Variants in PHC1 observed in about 807,000 individuals in gnomAD.
PHC1 encodes polyhomeotic-like protein 1.
In PHC1, 12 loss-of-function variants were observed where a neutral mutation model predicts 104.3. That is an observed-to-expected ratio of 0.12 (90% CI 0.07 to 0.19). The LOEUF is 0.19. Ranked by LOEUF, PHC1 falls within the 10% of genes least tolerant of loss-of-function variation. The pLI, the probability that PHC1 is intolerant of heterozygous loss-of-function variation, is 1.00. For synonymous variants in PHC1, 302 were observed against 455.8 expected (o/e 0.66, Z 4.30); for missense variants, 671 against 1,200.0 (o/e 0.56, Z 6.51).
intron 12 of PHC1, 61 bp downstream of exon 12, chr12:8,937,025 C>G (rs1565524617): frequency 1.7e-5 from 24 of 1,401,470 alleles, no homozygotes; most frequent in Non-Finnish European, 2.2e-5. Context: ...TGTTACACCC[C>G]TTCCCCAGGA....
In PHC1 at chr12:8,937,895, C is replaced by G; in HGVS notation, c.2695C>G (p.Pro899Ala). The change falls in exon 14 of 15, where the codon CCT becomes GCT. Residue 899 changes from proline (P) to alanine (A), a missense_variant. By Grantham distance (27) the Pro-to-Ala change is conservative. Coordinates refer to ENST00000544916, the MANE Select transcript of PHC1 (RefSeq NM_004426.3). ...SYDEALSPTSPGPLSVRAGHG... is the reference protein window; with the variant it reads ...SYDEALSPTSAGPLSVRAGHG... Reference sequence around the variant, plus strand: ...TGATGAAGCACTCTCTCCAACATCTCCTGGGCCTTTATCAGTAAGAGCTGG... The same window carrying G: ...TGATGAAGCACTCTCTCCAACATCTGCTGGGCCTTTATCAGTAAGAGCTGG... The G allele has an allele frequency of 2.5e-6, 4 of 1,611,202 alleles. No homozygotes were observed. The highest frequency in any genetic ancestry group is 3.4e-6 in the Non-Finnish European group (4 of 1,177,468).
intron 11 of PHC1, among the ~76,000 whole-genome samples, chr12:8,936,413 A>G (rs1186716827): frequency 6.6e-6 from 1 of 152,122 alleles, no homozygotes; most frequent in Admixed American, 6.5e-5. Flanking sequence ...ATGATCTAAA[A>G]TAGGACATTT....
Position 8,939,974 on chromosome 12 carries a change from T to C in PHC1, c.*515T>C. On this transcript the variant is annotated 3_prime_UTR_variant, in exon 15 of 15. Coordinates refer to ENST00000544916, the MANE Select transcript of PHC1 (RefSeq NM_004426.3). Reference sequence around the variant, plus strand: ...GTTTTTTCTTTTTGTTGTCACTTACTCCCTTGTGATTGAATTTTTTCTCCT... The same window carrying C: ...GTTTTTTCTTTTTGTTGTCACTTACCCCCTTGTGATTGAATTTTTTCTCCT... 1 of 434,884 alleles carries C rather than the reference T, an allele frequency of 2.3e-6. No individual in the cohort carries two copies. The highest frequency in any genetic ancestry group is 4.6e-6 in the Non-Finnish European group (1 of 219,488). 26.9% of individuals were successfully genotyped at this position (434,884 alleles called of 1,614,324 possible). A position where few individuals can be genotyped will look rare whatever the true frequency, so the allele number is the denominator to read the frequency against.
intron 4 of PHC1, 115 bp downstream of exon 4, chr12:8,921,180 T>C (rs1272390081): frequency 1.4e-6 from 1 of 714,786 alleles, no homozygotes; most frequent in Non-Finnish European, 2.3e-6. Flanking sequence ...GGATAGTTAC[T>C]GCTTTTAAGT....
chr12:8,928,779 T>C (rs1295973404), intron 6 of PHC1, among the ~76,000 whole-genome samples: 1 of 152,250 alleles, frequency 6.6e-6, no homozygotes. Context: ...TTGAAATGTG[T>C]AAGGTACTCG....
At chr12:8,933,553 GT>G in intron 8 of PHC1, 3 of 747,882 alleles carry the variant, frequency 4.0e-6, no homozygotes, top group Non-Finnish European at 6.2e-6. Context: ...ACTATTCTGG[GT>G]TTTTGGGTAT....
Position 8,937,745 on chromosome 12 carries a change from G to C in PHC1, c.2629-84G>C, listed in dbSNP as rs1165158560. ...ATGATAAGATGAGTTTTTCTTCTAC[G>C]CCCAACCCAGGGTGGTTTGGGAAGA... is the stretch of plus-strand genomic sequence containing the variant. On this transcript the variant is annotated intron_variant, in intron 13 of 14. Coordinates refer to ENST00000544916, the MANE Select transcript of PHC1 (RefSeq NM_004426.3). 3 of 1,028,626 alleles carry C rather than the reference G, an allele frequency of 2.9e-6. No homozygotes were observed. In the South Asian group the frequency reaches 4.3e-5, roughly 15 times the overall value. The allele number at this position is 1,028,626 out of a possible 1,614,324, so 63.7% of individuals were successfully genotyped here.
At chr12:8,935,373 C>T in intron 11 of PHC1, 135 bp downstream of exon 11, 3 of 560,330 alleles carry the variant, frequency 5.4e-6, no homozygotes, top group Non-Finnish European at 9.4e-6. Flanking sequence ...TGCCTGTAAT[C>T]CCAGCACTTT....
In PHC1 at chr12:8,922,655, A is replaced by T; in HGVS notation, c.479A>T (p.Gln160Leu). 3.8e-6 allele frequency: 6 copies of T among 1,583,930 alleles called. No homozygotes were observed. Among genetic ancestry groups the T allele is most frequent in the Non-Finnish European group, 5.2e-6 (6 of 1,164,580 alleles). The stretch of plus-strand genomic sequence containing the variant: ...CAGCCACAGCTGGGAAACCTATTGC[A>T]GGTAAACCGAACCCTGGGTCGGAAT... The part of the protein sequence containing the change: ...YLRPQLGNLL[Q>L]VNRTLGRNVP... Residue 160 changes from glutamine to leucine, a missense_variant, in exon 6 of 15, where the codon CAG becomes CTG. Physicochemically the swap from Gln to Leu is moderately radical, Grantham distance 113. Coordinates refer to ENST00000544916, the MANE Select transcript of PHC1 (RefSeq NM_004426.3).
At position 8,937,169 on chromosome 12, in the gene PHC1, C is replaced by T; in HGVS notation, c.2478-7C>T. On this transcript the variant is annotated splice_polypyrimidine_tract_variant and splice_region_variant and intron_variant, in intron 12 of 14. Coordinates refer to ENST00000544916, the MANE Select transcript of PHC1 (RefSeq NM_004426.3). ...TATTGACATCCTATATATGCCCTGT[C>T]CTGTAGGTACAATGTGAGCTGTAGC... 2 of 1,609,840 alleles carry T rather than the reference C, an allele frequency of 1.2e-6. No homozygotes were observed. The highest frequency in any genetic ancestry group is 1.7e-6 in the Non-Finnish European group (2 of 1,177,838).
rs1050882756 is a variant in PHC1 at position 8,914,625 on chromosome 12, C to CGGCGGGAGG, written c.-244_-236dup. The CGGCGGGAGG allele has an allele frequency of 2.0e-5, 3 of 150,322 alleles. No individual in the cohort carries two copies. Among genetic ancestry groups the CGGCGGGAGG allele is most frequent in the Non-Finnish European group, 4.5e-5 (3 of 67,312 alleles). The allele number at this position is 150,322 out of a possible 1,614,324, so 9.3% of individuals were successfully genotyped here. A position where few individuals can be genotyped will look rare whatever the true frequency, so the allele number is the denominator to read the frequency against. On this transcript the variant is annotated 5_prime_UTR_variant, in exon 1 of 15. Coordinates refer to ENST00000544916, the MANE Select transcript of PHC1 (RefSeq NM_004426.3). ...GCCGCGGCCGGGCCCGCACCCGGAG[C>CGGCGGGAGG]GGCGGGAGGGGCGGGGAGCCGCGGT... is the stretch of plus-strand genomic sequence containing the variant.
intron 6 of PHC1, among the ~76,000 whole-genome samples, chr12:8,927,848 A>C (rs1945559504): frequency 7.2e-6 from 1 of 139,700 alleles, no homozygotes. Flanking sequence ...CCTGTACTGT[A>C]CTAGTTTTCT....
Position 8,927,888 on chromosome 12 carries a change from TCTTTCTTTCTTTCTTTCTTTCTTTC to T in PHC1, c.613-2546_613-2522del, listed in dbSNP as rs1464038042. 1.8e-3 allele frequency among the ~76,000 whole-genome samples: 207 copies of T among 112,684 alleles called. 3 individuals carry two copies. The highest frequency in any genetic ancestry group is 7.5e-3 in the African/African-American group (191 of 25,496). The allele number at this position is 112,684 out of a possible 152,430, so 73.9% of individuals were successfully genotyped here. On this transcript the variant is annotated intron_variant, in intron 6 of 14. Transcript: ENST00000544916. Reference sequence around the variant, plus strand: ...TTCTTTCTTTCTTTCTTTCTTTCTTTCTTTCTTTCTTTCTTTCTTTCTTTCTTTTTTTTTTTTTTTGAGACAGAGT... The same window carrying T: ...TTCTTTCTTTCTTTCTTTCTTTCTTTTTTTTTTTTTTTTTTGAGACAGAGT...
chr12:8,914,142 G>A (rs1945125473), upstream of PHC1, among the ~76,000 whole-genome samples: 1 of 151,798 alleles, frequency 6.6e-6, no homozygotes, highest in Admixed American at 6.6e-5. Context: ...ATTCCCAGCA[G>A]CTCCAGAAAA....
Position 8,922,797 on chromosome 12 carries a change from C to G in PHC1, c.612+9C>G, listed in dbSNP as rs370885224. The G allele has an allele frequency of 1.2e-6, 2 of 1,611,130 alleles. No individual in the cohort carries two copies. The highest frequency in any genetic ancestry group is 2.7e-5 in the African/African-American group (2 of 74,898). Reference sequence around the variant, plus strand: ...ATGCAGATGCAGATCAGGTTAGTGGCGATGACTTTACCTGTGGGTGGGCAC... The same window carrying G: ...ATGCAGATGCAGATCAGGTTAGTGGGGATGACTTTACCTGTGGGTGGGCAC... On this transcript the variant is annotated intron_variant, in intron 6 of 14. Transcript: ENST00000544916.
chr12:8,939,099 T>C (rs1945933067), intron 14 of PHC1, among the ~76,000 whole-genome samples: 1 of 152,268 alleles, frequency 6.6e-6, no homozygotes, highest in Middle Eastern at 3.2e-3. Context: ...ATGCTGGGAT[T>C]ATAGGCGTGA....
At chr12:8,913,847 G>A (rs1945116699), upstream of PHC1, 1 of 152,162 alleles carries the variant, frequency 6.6e-6, no homozygotes, top group African/African-American at 2.4e-5. Flanking sequence ...AAACTTAAAT[G>A]CTATCCAAAG....
Position 8,937,246 on chromosome 12 carries a change from T to C in PHC1, c.2548T>C (p.Tyr850His), listed in dbSNP as rs1387461499. The change falls in exon 13 of 15, where the codon TAT becomes CAT. Residue 850 changes from tyrosine (Y) to histidine (H), a missense_variant. By Grantham distance (83) the Tyr-to-His change is moderately conservative (BLOSUM62 2). Transcript: ENST00000544916. ...KKMKEFQEAN[Y>H]ARVRRRGPRR... ...AATGAAAGAGTTTCAAGAAGCCAAC[T>C]ATGCTCGCGTTCGCAGGCGTGGACC... 6.2e-7 allele frequency: 1 copy of C among 1,613,238 alleles called. No individual in the cohort carries two copies. The highest frequency in any genetic ancestry group is 2.2e-5 in the East Asian group (1 of 44,864).
Position 8,939,500 on chromosome 12 carries a change from C to T in PHC1, c.*41C>T. The stretch of plus-strand genomic sequence containing the variant: ...CAAACCAGCCTAAGGCAGACACTCT[C>T]CACTGTCCAGGTTATAACCTGGTAC... On this transcript the variant is annotated 3_prime_UTR_variant, in exon 15 of 15. Transcript: ENST00000544916. 5.2e-6 allele frequency: 6 copies of T among 1,152,412 alleles called. No homozygotes were observed. Among genetic ancestry groups the T allele is most frequent in the Non-Finnish European group, 7.4e-6 (6 of 811,538 alleles). 71.4% of individuals were successfully genotyped at this position (1,152,412 alleles called of 1,614,324 possible).
Sources: allele counts gnomAD v4.1 joint callset (sites outside exome capture counted in the v4.1 genomes callset), GRCh38; gene constraint gnomAD v4.1.1; transcripts MANE v1.5; gene names NCBI Gene and HGNC (gene_info 2026-07-23, HGNC 2026-07-21).